Variants in PCDH9 observed in about 807,000 individuals in gnomAD.
The protein encoded by PCDH9 is protocadherin-9.
PCDH9 carries 24 observed loss-of-function variants against 70.6 expected under a neutral mutation model. That is an observed-to-expected ratio of 0.34 (90% CI 0.25 to 0.48). The LOEUF is 0.48. PCDH9 is among the 20% of genes least tolerant of loss of function. The probability of loss-of-function intolerance (pLI) is 0.99; values close to 1 mark genes in which losing one functional copy is unlikely to be tolerated. For synonymous variants in PCDH9, 562 were observed against 558.5 expected (o/e 1.01, Z -0.09); for missense variants, 1,281 against 1,503.6 (o/e 0.85, Z 2.45).
At chr13:66,634,009 A>C (rs1243548971) in intron 3 of PCDH9, among the ~76,000 whole-genome samples, 4 of 152,230 alleles carry the variant, frequency 2.6e-5, no homozygotes, top group Non-Finnish European at 5.9e-5. Flanking sequence ...AACTATTTCA[A>C]ATATAGCTTA....
chr13:66,367,923 G>A (rs535713652), intron 4 of PCDH9, among the ~76,000 whole-genome samples: 34 of 152,192 alleles, frequency 2.2e-4, no homozygotes, highest in African/African-American at 8.2e-4. Flanking sequence ...AAACCTCTTT[G>A]TAAGCAACTT....
intron 2 of PCDH9, among the ~76,000 whole-genome samples, chr13:67,110,535 A>AAG (rs2086638369): frequency 4.0e-5 from 6 of 148,890 alleles, no homozygotes; most frequent in Admixed American, 3.3e-4. Flanking sequence ...AAAAAAAAAA[A>AAG]GGGACATTAC....
rs1456956217 is a variant in PCDH9 at position 66,588,519 on chromosome 13, T to TAC, written c.3340+42689_3340+42690dup. Among the ~76,000 whole-genome samples the TAC allele has an allele frequency of 1.5e-3, 228 of 151,478 alleles. 1 individual carries two copies. The highest frequency in any genetic ancestry group is 5.1e-3 in the African/African-American group (209 of 41,260). On this transcript the variant is annotated intron_variant, in intron 4 of 4. Transcript: ENST00000377865. ...ATATATATATATATATGTATGTATA[T>TAC]ACACACACACACATATATATGCACA...
At chr13:66,998,993 C>T (rs905673879) in intron 2 of PCDH9, among the ~76,000 whole-genome samples, 3 of 152,206 alleles carry the variant, frequency 2.0e-5, no homozygotes, top group African/African-American at 7.2e-5. Flanking sequence ...CCATAAATTC[C>T]TTTGAAATGC....
chr13:66,612,216 T>A (rs1332780666), intron 4 of PCDH9, among the ~76,000 whole-genome samples: 7 of 152,196 alleles, frequency 4.6e-5, no homozygotes, highest in African/African-American at 1.7e-4. Context: ...AATCTTAAAA[T>A]GTGATGTGCC....
chr13:66,912,827 T>A, intron 2 of PCDH9, among the ~76,000 whole-genome samples: 1 of 152,014 alleles, frequency 6.6e-6, no homozygotes, highest in Non-Finnish European at 1.5e-5. Flanking sequence ...TGAAAAAATA[T>A]CCTCACTAAG....
chr13:67,032,319 T>G (rs1014787240), intron 2 of PCDH9, among the ~76,000 whole-genome samples: 15 of 150,730 alleles, frequency 1.0e-4, no homozygotes, highest in Non-Finnish European at 4.4e-5. Context: ...CTATATATTT[T>G]TCTGCCTTTT....
intron 4 of PCDH9, among the ~76,000 whole-genome samples, chr13:66,557,006 T>C (rs1961768424): frequency 6.6e-6 from 1 of 152,172 alleles, no homozygotes; most frequent in African/African-American, 2.4e-5. Flanking sequence ...ATGTGAGAGC[T>C]AAGCACTGCT....
intron 2 of PCDH9, among the ~76,000 whole-genome samples, chr13:66,989,548 T>C (rs2083960432): frequency 1.3e-5 from 2 of 152,058 alleles, no homozygotes; most frequent in Middle Eastern, 3.4e-3. Flanking sequence ...TAGCACTTTA[T>C]GAAATTACTC....
chr13:66,546,947 A>G (rs745605272), intron 4 of PCDH9, among the ~76,000 whole-genome samples: 1 of 152,184 alleles, frequency 6.6e-6, no homozygotes, highest in African/African-American at 2.4e-5. Context: ...GCTATGCCAT[A>G]CAGCTTAGGT....
In PCDH9 at chr13:66,397,359, C is replaced by T. The variant is rs143431554; in HGVS notation, c.3341-92331G>A. Among the ~76,000 whole-genome samples the T allele has an allele frequency of 5.8e-3, 885 of 151,992 alleles. 9 individuals are homozygous for T. The highest frequency in any genetic ancestry group is 0.02 in the African/African-American group (832 of 41,448). On this transcript the variant is annotated intron_variant, in intron 4 of 4. Coordinates refer to ENST00000377865, the MANE Select transcript of PCDH9 (RefSeq NM_203487.3). Reference sequence around the variant, plus strand: ...GCTTAAGTTCAGGAGGTCAAGGCTTCGGTGAGCTGTGTTCATACCACTGCA... The same window carrying T: ...GCTTAAGTTCAGGAGGTCAAGGCTTTGGTGAGCTGTGTTCATACCACTGCA...
chr13:67,090,325 A>G (rs187791499), intron 2 of PCDH9, among the ~76,000 whole-genome samples: 147 of 152,144 alleles, frequency 9.7e-4, no homozygotes, highest in Non-Finnish European at 1.8e-3. Context: ...AAGTGATACT[A>G]ATGTTGCTGG....
intron 4 of PCDH9, among the ~76,000 whole-genome samples, chr13:66,453,410 A>G (rs925207874): frequency 6.6e-6 from 1 of 152,166 alleles, no homozygotes; most frequent in Admixed American, 6.5e-5. Flanking sequence ...ATTTTTTCAC[A>G]TAGTGATAGC....
At chr13:66,950,881 G>A (rs915087490) in intron 2 of PCDH9, among the ~76,000 whole-genome samples, 1 of 151,950 alleles carries the variant, frequency 6.6e-6, no homozygotes, top group African/African-American at 2.4e-5. Context: ...TTTTCCCATT[G>A]TGTATTTATT....
chr13:66,967,445 C>T (rs1196024772), intron 2 of PCDH9, among the ~76,000 whole-genome samples: 1 of 152,010 alleles, frequency 6.6e-6, no homozygotes, highest in Non-Finnish European at 1.5e-5. Context: ...CTGCCTGCAG[C>T]TATTGCATTG....
At chr13:67,174,345 A>G (rs1244348225) in intron 2 of PCDH9, among the ~76,000 whole-genome samples, 2 of 152,078 alleles carry the variant, frequency 1.3e-5, no homozygotes, top group Non-Finnish European at 2.9e-5. Flanking sequence ...ATACATACAT[A>G]CAGACGAAGG....
intron 3 of PCDH9, among the ~76,000 whole-genome samples, chr13:66,690,514 G>A (rs2078468350): frequency 6.6e-6 from 1 of 152,062 alleles, no homozygotes. Flanking sequence ...TACAGTGAAG[G>A]TGTGTAACAG....
At chr13:66,664,201 A>G (rs1424614608) in intron 3 of PCDH9, among the ~76,000 whole-genome samples, 1 of 152,202 alleles carries the variant, frequency 6.6e-6, no homozygotes, top group East Asian at 1.9e-4. Flanking sequence ...CTTCTGAAAA[A>G]TTTGCCTGCC....
chr13:66,507,256 C>A (rs1302235452), intron 4 of PCDH9, among the ~76,000 whole-genome samples: 1 of 152,156 alleles, frequency 6.6e-6, no homozygotes, highest in Non-Finnish European at 1.5e-5. Context: ...CATTCACGGG[C>A]TGCATTTCAA....
Sources: gnomAD v4.1 joint callset for allele counts (sites outside exome capture counted in the v4.1 genomes callset) on GRCh38, gnomAD v4.1.1 for gene constraint, MANE v1.5 for transcripts, NCBI Gene and HGNC (gene_info 2026-07-23, HGNC 2026-07-21) for gene names.